Variants in OLAH observed in about 807,000 individuals in gnomAD.
OLAH encodes the protein oleoyl-ACP hydrolase.
In OLAH, 33 loss-of-function variants were observed where a neutral mutation model predicts 27.8. The observed-to-expected ratio is 1.19, with a 90% confidence interval of 0.90 to 1.59. OLAH has a LOEUF of 1.59. Ranked by LOEUF, OLAH falls within the 40% of genes most tolerant of loss-of-function variation. The pLI, the probability that OLAH is intolerant of heterozygous loss-of-function variation, is 0.00. For missense variants in OLAH, 359 were observed against 310.8 expected, an observed-to-expected ratio of 1.16 and a Z score of -1.17; for synonymous variants, 120 against 102.9, an observed-to-expected ratio of 1.17 and a Z score of -1.01.
intron 6 of OLAH, among the ~76,000 whole-genome samples, chr10:15,069,664 C>A (rs540148423): frequency 6.6e-6 from 1 of 152,086 alleles, no homozygotes; most frequent in Non-Finnish European, 1.5e-5. Flanking sequence ...GTCAGGAGTT[C>A]GAGACCAGCC....
rs921658845 is a variant in OLAH at position 15,069,763 on chromosome 10, G to T, written c.573-2032G>T. On this transcript the variant is annotated intron_variant, in intron 6 of 7. Transcript: ENST00000378228. ...CACCTGTAATCCTAGCTACTCGACA[G>T]GCTGAGGCAGGAGAATCACTTGAAC... Among the ~76,000 whole-genome samples the T allele has an allele frequency of 4.6e-5, 7 of 152,296 alleles. No individual in the cohort carries two copies. In the East Asian group the frequency reaches 1.4e-3, roughly 29 times the overall value.
At chr10:15,057,727 G>C (rs983588780) in intron 3 of OLAH, among the ~76,000 whole-genome samples, 1 of 152,064 alleles carries the variant, frequency 6.6e-6, no homozygotes, top group Non-Finnish European at 1.5e-5. Flanking sequence ...TGCCTCATAT[G>C]ATACCAGAAA....
chr10:15,063,532 T>A (rs531073175), intron 4 of OLAH, among the ~76,000 whole-genome samples: 2 of 152,236 alleles, frequency 1.3e-5, no homozygotes, highest in African/African-American at 4.8e-5. Flanking sequence ...AATATATACA[T>A]GTGCAATTTA....
intron 3 of OLAH, among the ~76,000 whole-genome samples, chr10:15,059,966 C>T (rs1241412660): frequency 6.6e-6 from 1 of 152,018 alleles, no homozygotes; most frequent in Non-Finnish European, 1.5e-5. Flanking sequence ...TTTGAGTTTC[C>T]TTGAACTTCT....
chr10:15,058,554 C>T (rs1446754545), intron 3 of OLAH, among the ~76,000 whole-genome samples: 2 of 151,990 alleles, frequency 1.3e-5, no homozygotes, highest in Admixed American at 1.3e-4. Context: ...TTGTGTAGAG[C>T]AGTCAGCTGT....
At chr10:15,055,331 T>A (rs1019417920) in intron 3 of OLAH, among the ~76,000 whole-genome samples, 9 of 152,270 alleles carry the variant, frequency 5.9e-5, no homozygotes, top group African/African-American at 1.9e-4. Context: ...AAAAACCACC[T>A]CGTTTGTGTG....
At chr10:15,071,553 C>G (rs894248447) in intron 6 of OLAH, 5 of 985,390 alleles carry the variant, frequency 5.1e-6, no homozygotes, top group Non-Finnish European at 4.8e-6. Flanking sequence ...ACTGTGTGCC[C>G]CAGTGCCATC....
chr10:15,051,309 A>T lies in OLAH; in HGVS notation c.163+1544A>T, dbSNP rs1193786495. 2.6e-5 allele frequency among the ~76,000 whole-genome samples: 4 copies of T among 152,124 alleles called. No individual in the cohort carries two copies. In the East Asian group the frequency reaches 7.7e-4, roughly 29 times the overall value. On this transcript the variant is annotated intron_variant, in intron 3 of 7. Transcript: ENST00000378228. The stretch of plus-strand genomic sequence containing the variant: ...TAAATTCACATTGTTAACAATCAGA[A>T]TTCTTAACAATTCTGATTGGTTAAA...
At chr10:15,051,058 T>G (rs1037894649) in intron 3 of OLAH, among the ~76,000 whole-genome samples, 1 of 129,746 alleles carries the variant, frequency 7.7e-6, no homozygotes, top group African/African-American at 2.8e-5. Context: ...ATTTCAAGAC[T>G]GTTTATTATT....
At chr10:15,042,569 T>C (rs3763785), upstream of OLAH, among the ~76,000 whole-genome samples, 26,600 of 152,226 alleles carry the variant, frequency 0.17, 2,460 homozygotes, top group South Asian at 0.3. Context: ...CTAGTCATTT[T>C]AGAATGTACA....
chr10:15,046,009 C>T (rs566732356), intron 1 of OLAH, among the ~76,000 whole-genome samples: 19 of 151,942 alleles, frequency 1.3e-4, no homozygotes, highest in Non-Finnish European at 2.5e-4. Context: ...CCAGCCTGGG[C>T]GATAGAGCGA....
intron 6 of OLAH, among the ~76,000 whole-genome samples, chr10:15,067,810 T>C (rs889332057): frequency 6.6e-6 from 1 of 152,182 alleles, no homozygotes; most frequent in East Asian, 1.9e-4. Flanking sequence ...CCAGTTCTCT[T>C]TCCCCATCAC....
chr10:15,051,074 T>G (rs1844129797), intron 3 of OLAH, among the ~76,000 whole-genome samples: 1 of 59,416 alleles, frequency 1.7e-5, no homozygotes, highest in Non-Finnish European at 2.9e-5. Flanking sequence ...TTATTATTAT[T>G]ATTATTTTTT....
At chr10:15,067,867 G>A (rs190115785) in intron 6 of OLAH, among the ~76,000 whole-genome samples, 31 of 152,222 alleles carry the variant, frequency 2.0e-4, no homozygotes, top group African/African-American at 7.2e-4. Flanking sequence ...ATTGTCAGCC[G>A]AGAAGTGCCA....
upstream of OLAH, among the ~76,000 whole-genome samples, chr10:15,042,442 C>T (rs913509513): frequency 6.6e-6 from 1 of 152,152 alleles, no homozygotes; most frequent in African/African-American, 2.4e-5. Flanking sequence ...TGTGAGCCAG[C>T]GTGCCCAGCC....
At chr10:15,038,271 T>C (rs546719023) in intron 1 of OLAH, among the ~76,000 whole-genome samples, 1 of 152,342 alleles carries the variant, frequency 6.6e-6, no homozygotes, top group South Asian at 2.1e-4. Flanking sequence ...GGACTCACCT[T>C]GTCTCAGATA....
At chr10:15,068,276 T>G (rs1223514707) in intron 6 of OLAH, among the ~76,000 whole-genome samples, 2 of 152,204 alleles carry the variant, frequency 1.3e-5, no homozygotes, top group African/African-American at 4.8e-5. Flanking sequence ...TCCTATGTAT[T>G]TTAAAGTCCC....
chr10:15,036,156 A>G (rs1385026530), intron 1 of OLAH, among the ~76,000 whole-genome samples: 1 of 152,164 alleles, frequency 6.6e-6, no homozygotes, highest in Non-Finnish European at 1.5e-5. Context: ...CTGTGGTTAT[A>G]GCTATTTCCT....
chr10:15,047,246 A>G lies in OLAH; in HGVS notation c.-43A>G. ...GGAACTGACTTCTGTTGAGCACTCA[A>G]CACGCCACAGAGACCAGCCATCTTG... On this transcript the variant is annotated 5_prime_UTR_variant, in exon 2 of 8. Coordinates refer to ENST00000378228, the MANE Select transcript of OLAH (RefSeq NM_001039702.3). 6.2e-7 allele frequency: 1 copy of G among 1,610,116 alleles called. No homozygotes were observed.
Sources: allele counts gnomAD v4.1 joint callset (sites outside exome capture counted in the v4.1 genomes callset), GRCh38; gene constraint gnomAD v4.1.1; transcripts MANE v1.5; gene names NCBI Gene and HGNC (gene_info 2026-07-23, HGNC 2026-07-21).